The following CR1 variants were observed in gnomAD, a reference collection of about 807,000 sequenced individuals.
CR1 encodes the protein complement C3b/C4b receptor 1 (Knops blood group).
In CR1, 116 loss-of-function variants were observed where a neutral mutation model predicts 187.3. The observed-to-expected ratio is 0.62, with a 90% CI of 0.53 to 0.72. The LOEUF (loss-of-function observed/expected upper bound fraction) is 0.72. CR1 is among the 30% of genes least tolerant of loss of function. CR1 has a pLI of 0.00. For synonymous variants in CR1, 576 were observed against 747.1 expected (o/e 0.77, Z 3.73); for missense variants, 1,731 against 2,110.7 (o/e 0.82, Z 3.52).
At chr1:207,636,332 A>C (rs1013220345) in intron 46 of CR1, among the ~76,000 whole-genome samples, 1 of 152,096 alleles carries the variant, frequency 6.6e-6, no homozygotes, top group Non-Finnish European at 1.5e-5. Context: ...GATGTTTCAA[A>C]AATTTGTTCC....
rs142605009 is a variant in CR1, at chr1:207,506,016, C to T, written c.234C>T (p.Ser78=). 288 of 1,613,908 alleles carry T rather than the reference C, an allele frequency of 1.8e-4. 2 individuals are homozygous for T. The highest frequency in any genetic ancestry group is 4.5e-4 in the Admixed American group (27 of 60,014). ...YLNYECRPGY[S]GRPFSIICLK... ...ACTATGAATGCCGCCCTGGTTATTC[C>T]GGAAGACCGTTTTCTATCATCTGCC... The change falls in exon 2 of 47, where the codon TCC becomes TCT. Residue 78 remains serine (S), a synonymous_variant. Transcript: ENST00000367049.
chr1:207,580,991 A>G (rs1251418535), intron 31 of CR1, among the ~76,000 whole-genome samples: 1 of 152,154 alleles, frequency 6.6e-6, no homozygotes, highest in Non-Finnish European at 1.5e-5. Context: ...AACTCATTTG[A>G]TTTCTCACTT....
intron 1 of CR1, among the ~76,000 whole-genome samples, chr1:207,505,036 G>C (rs1301397732): frequency 6.6e-6 from 1 of 152,178 alleles, no homozygotes; most frequent in African/African-American, 2.4e-5. Flanking sequence ...GATCTGAGTG[G>C]AACAGTTCCA....
At chr1:207,585,767 C>A (rs1316974893) in intron 33 of CR1, among the ~76,000 whole-genome samples, 2 of 152,144 alleles carry the variant, frequency 1.3e-5, no homozygotes, top group African/African-American at 4.8e-5. Flanking sequence ...TGCCTAGACC[C>A]CAGTGCAGGC....
intron 46 of CR1, among the ~76,000 whole-genome samples, chr1:207,631,867 A>G (rs1662655927): frequency 6.6e-6 from 1 of 152,170 alleles, no homozygotes; most frequent in African/African-American, 2.4e-5. Context: ...CACCACAATC[A>G]TTACTGAATT....
Position 207,611,853 on chromosome 1 carries a change from G to A in CR1, c.6472G>A (p.Val2158Met), listed in dbSNP as rs1661941545. The change falls in exon 38 of 47, where the codon GTG becomes ATG. Residue 2158 changes from valine (V) to methionine (M), a missense_variant and splice_region_variant. Around this residue, in one of 5 missense-constraint regions of CR1, gnomAD observed 1,312 missense variants for 1,379.6 expected, o/e 0.95. Transcript: ENST00000367049. ...GAGCCCTGAAGCCCCTAGATGTACA[G>A]GTGCCTTGACTCTCTGGCTTCCAGA... ...DWSPEAPRCTVKSCDDFLGQL... is the reference protein window; with the variant it reads ...DWSPEAPRCTMKSCDDFLGQL... 2 of 1,613,628 alleles carry A rather than the reference G, an allele frequency of 1.2e-6. No individual in the cohort carries two copies. Among genetic ancestry groups the A allele is most frequent in the African/African-American group, 1.3e-5 (1 of 74,924 alleles).
At chr1:207,604,286 A>AT (rs1661686629) in intron 35 of CR1, among the ~76,000 whole-genome samples, 1 of 151,498 alleles carries the variant, frequency 6.6e-6, no homozygotes, top group Non-Finnish European at 1.5e-5. Flanking sequence ...TGTTTTTATT[A>AT]TTTTTCCTCT....
At chr1:207,632,797 C>CAAAAAAA (rs55649027) in intron 46 of CR1, among the ~76,000 whole-genome samples, 21 of 107,626 alleles carry the variant, frequency 2.0e-4, no homozygotes, top group African/African-American at 8.4e-4. Context: ...GACTCCGTCT[C>CAAAAAAA]AAAAAAAAAA....
chr1:207,606,080 G>C (rs939522657), intron 35 of CR1: 6 of 152,148 alleles, frequency 3.9e-5, no homozygotes, highest in African/African-American at 1.4e-4. Flanking sequence ...GGCAGTCCAG[G>C]GTTTATACGA....
chr1:207,510,768 C>CCTTCCTTCCTTCCTTCCTTCCTTTCTT (rs1659587359), intron 3 of CR1, among the ~76,000 whole-genome samples: 1 of 82,278 alleles, frequency 1.2e-5, no homozygotes, highest in Non-Finnish European at 2.2e-5. Flanking sequence ...CTTCCTTCCT[C>CCTTCCTTCCTTCCTTCCTTCCTTTCTT]CCTCCCTTCC....
chr1:207,629,676 T>C (rs11803956), intron 45 of CR1, among the ~76,000 whole-genome samples: 70,062 of 152,040 alleles, frequency 0.46, 18,537 homozygotes, highest in Non-Finnish European at 0.6. Context: ...CATTCTAAAA[T>C]CCCTAATACC....
At chr1:207,496,464 C>A (rs1659089250) in intron 1 of CR1, 76 bp downstream of exon 1, 2 of 1,417,390 alleles carry the variant, frequency 1.4e-6, no homozygotes, top group Non-Finnish European at 1.9e-6. Flanking sequence ...TCGCGTGCAG[C>A]GCTGAGCTGC....
chr1:207,581,465 A>G (rs1281014988), intron 31 of CR1, among the ~76,000 whole-genome samples: 1 of 131,036 alleles, frequency 7.6e-6, no homozygotes, highest in African/African-American at 3.9e-5. Context: ...ATGGAACATT[A>G]GATGTATGAA....
At chr1:207,624,289 C>T (rs976634559) in intron 45 of CR1, among the ~76,000 whole-genome samples, 1 of 151,912 alleles carries the variant, frequency 6.6e-6, no homozygotes, top group African/African-American at 2.4e-5. Flanking sequence ...AATAAAGAAA[C>T]GTCTTTGACA....
intron 3 of CR1, among the ~76,000 whole-genome samples, chr1:207,511,118 G>A (rs1659602075): frequency 6.6e-6 from 1 of 151,940 alleles, no homozygotes; most frequent in Non-Finnish European, 1.5e-5. Context: ...CACTGTGAAG[G>A]GCCTAATTTG....
At chr1:207,615,965 T>C (rs1409563474) in intron 40 of CR1, among the ~76,000 whole-genome samples, 1 of 152,218 alleles carries the variant, frequency 6.6e-6, no homozygotes, top group Non-Finnish European at 1.5e-5. Context: ...AAGGAACTGT[T>C]CTAAGCAGAC....
intron 43 of CR1, among the ~76,000 whole-genome samples, 192 bp downstream of exon 43, chr1:207,620,257 C>T (rs1378050828): frequency 1.3e-5 from 2 of 152,190 alleles, no homozygotes; most frequent in African/African-American, 4.8e-5. Flanking sequence ...TCATACTTCT[C>T]ACTGCAGCTC....
intron 35 of CR1, among the ~76,000 whole-genome samples, chr1:207,599,841 G>T (rs1661552699): frequency 6.6e-6 from 1 of 152,160 alleles, no homozygotes; most frequent in Non-Finnish European, 1.5e-5. Context: ...AGATGGAGGT[G>T]GGAGTGACAA....
chr1:207,501,680 G>A (rs1659274418), intron 1 of CR1, among the ~76,000 whole-genome samples: 1 of 152,152 alleles, frequency 6.6e-6, no homozygotes, highest in African/African-American at 2.4e-5. Flanking sequence ...TTCCAAGAAT[G>A]GTTCATTCAA....
Sources: allele counts gnomAD v4.1 joint callset (sites outside exome capture counted in the v4.1 genomes callset), GRCh38; gene constraint gnomAD v4.1.1; regional missense constraint gnomAD v4.1.1; transcripts MANE v1.5; gene names NCBI Gene and HGNC (gene_info 2026-07-23, HGNC 2026-07-21).